The following ZBTB20 variants were observed in gnomAD, a reference collection of about 807,000 sequenced individuals.
The protein encoded by ZBTB20 is zinc finger and BTB domain-containing protein 20.
ZBTB20 carries 9 observed loss-of-function variants against 56.9 expected under a neutral mutation model. The observed-to-expected ratio is 0.16, with a 90% CI of 0.10 to 0.28. ZBTB20 has a LOEUF of 0.28. ZBTB20 is among the 10% of genes least tolerant of loss of function. The pLI is 1.00. For missense variants in ZBTB20, 655 were observed against 1,003.0 expected (o/e 0.65, Z 4.69); for synonymous variants, 417 against 420.7 (o/e 0.99, Z 0.11).
rs1004080295 is a variant in ZBTB20 at position 114,973,822 on chromosome 3, T to C, written c.-456+544A>G. 2.6e-5 allele frequency among the ~76,000 whole-genome samples: 4 copies of C among 152,160 alleles called. No homozygotes were observed. In the East Asian group the frequency reaches 7.7e-4, roughly 29 times the overall value. On this transcript the variant is annotated intron_variant, in intron 3 of 11. Coordinates refer to ENST00000675478, the MANE Select transcript of ZBTB20 (RefSeq NM_001348800.3). The stretch of plus-strand genomic sequence containing the variant: ...TCCTTCAATCCCTGTGAGCTCTTTA[T>C]ACACAATGCAGCCACACGAGTCTAT...
chr3:115,044,229 AAT>A (rs1441202356), intron 2 of ZBTB20, among the ~76,000 whole-genome samples: 3 of 152,216 alleles, frequency 2.0e-5, no homozygotes, highest in African/African-American at 7.2e-5. Context: ...GGAAGTTTCA[AAT>A]CACGTAAGAC....
intron 10 of ZBTB20, among the ~76,000 whole-genome samples, chr3:114,358,931 T>C (rs2081521418): frequency 6.6e-6 from 1 of 152,212 alleles, no homozygotes; most frequent in African/African-American, 2.4e-5. Context: ...CTGATCATGT[T>C]TCCCTCTTGG....
chr3:114,779,489 G>T (rs1166049627), intron 5 of ZBTB20, among the ~76,000 whole-genome samples: 6 of 152,144 alleles, frequency 3.9e-5, no homozygotes, highest in Admixed American at 3.9e-4. Flanking sequence ...AGAATGGGTG[G>T]CCAGGATCAG....
At chr3:114,778,006 A>G (rs1480583495) in intron 5 of ZBTB20, among the ~76,000 whole-genome samples, 1 of 148,832 alleles carries the variant, frequency 6.7e-6, no homozygotes, top group East Asian at 2.0e-4. Flanking sequence ...CAAAAAACCA[A>G]ACACTGCATG....
intron 3 of ZBTB20, among the ~76,000 whole-genome samples, chr3:114,960,843 C>A (rs778980413): frequency 2.0e-5 from 3 of 151,878 alleles, no homozygotes; most frequent in Non-Finnish European, 4.4e-5. Context: ...AAAAAAATGC[C>A]TGCAAAGGAC....
At chr3:115,048,895 A>G (rs1182853839) in intron 2 of ZBTB20, among the ~76,000 whole-genome samples, 1 of 152,220 alleles carries the variant, frequency 6.6e-6, no homozygotes, top group Non-Finnish European at 1.5e-5. Flanking sequence ...ATACCAATCC[A>G]TGCACATATT....
At chr3:114,882,771 A>T (rs149264353) in intron 4 of ZBTB20, among the ~76,000 whole-genome samples, 1 of 152,246 alleles carries the variant, frequency 6.6e-6, no homozygotes, top group East Asian at 1.9e-4. Context: ...CTACGCAAGT[A>T]CAGTTGAAAC....
At chr3:115,018,404 G>C (rs943189578) in intron 2 of ZBTB20, among the ~76,000 whole-genome samples, 1 of 151,382 alleles carries the variant, frequency 6.6e-6, no homozygotes, top group African/African-American at 2.4e-5. Context: ...AACCAAAAAA[G>C]GTGTATATGT....
chr3:114,854,693 G>A (rs944400702), intron 4 of ZBTB20, among the ~76,000 whole-genome samples: 1 of 152,134 alleles, frequency 6.6e-6, no homozygotes, highest in Non-Finnish European at 1.5e-5. Context: ...CTGATACCCT[G>A]CAGGGCTATC....
At chr3:114,829,595 T>C (rs1170451813) in intron 4 of ZBTB20, among the ~76,000 whole-genome samples, 1 of 151,924 alleles carries the variant, frequency 6.6e-6, no homozygotes, top group South Asian at 2.1e-4. Context: ...ATTTTTCTAT[T>C]GGAGAGAATG....
chr3:114,876,909 A>G (rs1006412479), intron 4 of ZBTB20, among the ~76,000 whole-genome samples: 1 of 152,176 alleles, frequency 6.6e-6, no homozygotes, highest in Non-Finnish European at 1.5e-5. Context: ...AGTACAGTGT[A>G]CTATTTATTA....
At chr3:114,928,348 T>C (rs568539107) in intron 3 of ZBTB20, among the ~76,000 whole-genome samples, 7 of 149,932 alleles carry the variant, frequency 4.7e-5, no homozygotes, top group Middle Eastern at 7.0e-3. Flanking sequence ...TCTTCAATGA[T>C]GGAGAACCTC....
At chr3:114,440,089 TCTTA>T (rs2090810447) in intron 7 of ZBTB20, among the ~76,000 whole-genome samples, 1 of 151,250 alleles carries the variant, frequency 6.6e-6, no homozygotes, top group South Asian at 2.1e-4. Context: ...GCAGAGAAGG[TCTTA>T]CTTTTTTTTT....
rs76674402 is a variant in ZBTB20, at chr3:115,118,017, C to T, written c.-703+29202G>A. Among the ~76,000 whole-genome samples the T allele has an allele frequency of 5.7e-3, 866 of 152,264 alleles. 4 individuals carry two copies. The highest frequency in any genetic ancestry group is 0.023 in the South Asian group (111 of 4,832). The stretch of plus-strand genomic sequence containing the variant: ...CACATTCACTACCTGTGACCTTAAA[C>T]AAGTTACTATTTTTCCAGAATTTCA... On this transcript the variant is annotated intron_variant, in intron 1 of 11. Coordinates refer to ENST00000675478, the MANE Select transcript of ZBTB20 (RefSeq NM_001348800.3).
rs185926000 is a variant in ZBTB20, at chr3:115,051,593, T to C, written c.-507+19626A>G. The stretch of plus-strand genomic sequence containing the variant: ...CGTTGTTACAGTAATACCTTCAAAA[T>C]AGTTTGTTTTCCTAAATTGGCGAGA... On this transcript the variant is annotated intron_variant, in intron 2 of 11. Coordinates refer to ENST00000675478, the MANE Select transcript of ZBTB20 (RefSeq NM_001348800.3). 1.4e-4 allele frequency among the ~76,000 whole-genome samples: 22 copies of C among 152,318 alleles called. No homozygotes were observed. In the East Asian group the frequency reaches 4.1e-3, roughly 28 times the overall value.
intron 2 of ZBTB20, among the ~76,000 whole-genome samples, chr3:115,018,622 G>A (rs2080077280): frequency 2.0e-5 from 3 of 151,360 alleles, no homozygotes; most frequent in Non-Finnish European, 4.4e-5. Context: ...GATCGCATTT[G>A]TGAAAGTGGA....
intron 6 of ZBTB20, among the ~76,000 whole-genome samples, chr3:114,645,210 ATCTTTTGTTTAAG>A: frequency 6.6e-6 from 1 of 152,156 alleles, no homozygotes; most frequent in East Asian, 1.9e-4. Flanking sequence ...ACAAAAGATC[ATCTTTTGTTTAAG>A]AGTTCATATA....
In ZBTB20 at chr3:114,319,508, G is replaced by A. The variant is rs1243929437; in HGVS notation, c.*19497C>T. The A allele has an allele frequency of 1.3e-5, 2 of 152,172 alleles. No homozygotes were observed. Among genetic ancestry groups the A allele is most frequent in the Non-Finnish European group, 2.9e-5 (2 of 68,020 alleles). The allele number at this position is 152,172 out of a possible 1,614,324, so 9.4% of individuals were successfully genotyped here. On this transcript the variant is annotated 3_prime_UTR_variant, in exon 12 of 12. Coordinates refer to ENST00000675478, the MANE Select transcript of ZBTB20 (RefSeq NM_001348800.3). The stretch of plus-strand genomic sequence containing the variant: ...AAACATTAAACAAATGATAGAGTCA[G>A]TTGGCTAGGAAAAATACCGCTGTTC...
chr3:114,691,528 C>A (rs2062696911), intron 6 of ZBTB20, among the ~76,000 whole-genome samples: 1 of 151,718 alleles, frequency 6.6e-6, no homozygotes, highest in South Asian at 2.1e-4. Flanking sequence ...ACTGTTTATG[C>A]AAGGTATTAT....
Sources: allele counts gnomAD v4.1 joint callset (sites outside exome capture counted in the v4.1 genomes callset), GRCh38; gene constraint gnomAD v4.1.1; transcripts MANE v1.5; gene names NCBI Gene and HGNC (gene_info 2026-07-23, HGNC 2026-07-21).